TMEM201: variants seen among roughly 807,000 people sequenced by gnomAD.
TMEM201 encodes transmembrane protein 201.
In TMEM201, 26 loss-of-function variants were observed where a neutral mutation model predicts 63.4. That is an observed-to-expected ratio of 0.41 (90% CI 0.30 to 0.57). TMEM201 has a LOEUF of 0.57. Ranked by LOEUF, TMEM201 falls within the 20% of genes least tolerant of loss-of-function variation. TMEM201 has a pLI of 0.29. For missense variants in TMEM201, 794 were observed against 917.7 expected (o/e 0.87, Z 1.74); for synonymous variants, 417 against 421.6 (o/e 0.99, Z 0.14).
intron 1 of TMEM201, among the ~76,000 whole-genome samples, chr1:9,592,167 G>C (rs1643932523): frequency 1.3e-5 from 2 of 152,252 alleles, no homozygotes; most frequent in African/African-American, 4.8e-5. Context: ...TAAGTTCTGA[G>C]TTGCATTTTG....
Position 9,604,804 on chromosome 1 carries a change from T to C in TMEM201, c.1160+2532T>C. On this transcript the variant is annotated intron_variant, in intron 6 of 10. Transcript: ENST00000340381. The surrounding 1 kb of genome is among the most constrained non-coding windows in gnomAD (Gnocchi z 4.1). ...AAGGAACACATGACCCTTCTGTCTG[T>C]GACTGTTGCTGAGTCTCTGTCTCAT... 1.0e-6 allele frequency: 1 copy of C among 986,010 alleles called. No homozygotes were observed. Among genetic ancestry groups the C allele is most frequent in the Non-Finnish European group, 1.2e-6 (1 of 830,008 alleles). The allele number at this position is 986,010 out of a possible 1,614,324, so 61.1% of individuals were successfully genotyped here.
At chr1:9,602,300 G>T in intron 6 of TMEM201, 28 bp downstream of exon 6, 1 of 1,608,024 alleles carries the variant, frequency 6.2e-7, no homozygotes. Context: ...GACTGCGGGG[G>T]GAGGACACAC....
Position 9,607,557 on chromosome 1 carries a change from G to A in TMEM201, c.1161G>A (p.Arg387=). 12 of 1,546,994 alleles carry A rather than the reference G, an allele frequency of 7.8e-6. No homozygotes were observed. Among genetic ancestry groups the A allele is most frequent in the South Asian group, 1.2e-5 (1 of 83,356 alleles). ...ATGPRRFRPR[R]FFPGDSAGLF... is the part of the protein sequence containing the mutation. ...TCCCGTGCCTGACGGGCCCTTGCAG[G>A]TTCTTCCCAGGAGACTCTGCCGGCC... Residue 387 remains arginine, a splice_region_variant and synonymous_variant, in exon 7 of 11, where the codon AGG becomes AGA. Transcript: ENST00000340381. The surrounding 1 kb of genome is among the most constrained non-coding windows in gnomAD (Gnocchi z 5.4).
In TMEM201 at chr1:9,602,952, G is replaced by A. The variant is rs553496985; in HGVS notation, c.1160+680G>A. 3.0e-6 allele frequency: 3 copies of A among 985,558 alleles called. No individual in the cohort carries two copies. In the Admixed American group the frequency reaches 1.8e-4, roughly 61 times the overall value. The allele number at this position is 985,558 out of a possible 1,614,324, so 61.1% of individuals were successfully genotyped here. A position where few individuals can be genotyped will look rare whatever the true frequency, so the allele number is the denominator to read the frequency against. On this transcript the variant is annotated intron_variant, in intron 6 of 10. Transcript: ENST00000340381. ...CCTCCCGAGTCCCCGGAAATGGAGA[G>A]TGCAGTTCTTGGGCCCAGCCTGGCC...
rs1476117694 is a variant in TMEM201 at position 9,610,830 on chromosome 1, G to T, written c.1765+25G>T. 6.6e-7 allele frequency: 1 copy of T among 1,516,034 alleles called. No individual in the cohort carries two copies. Among genetic ancestry groups the T allele is most frequent in the East Asian group, 2.5e-5 (1 of 40,420 alleles). 93.9% of individuals were successfully genotyped at this position (1,516,034 alleles called of 1,614,324 possible). ...GGTACGGCCTTCTGACCACCCCAAG[G>T]GGCCGTGGGAGGGCCTCTGCTGCCA... On this transcript the variant is annotated intron_variant, in intron 9 of 10. Coordinates refer to ENST00000340381, the MANE Select transcript of TMEM201 (RefSeq NM_001130924.3). This position sits in a 1 kb window ranked among gnomAD's most constrained non-coding sequence, Gnocchi z 4.9.
chr1:9,613,285 T>A lies in TMEM201; in HGVS notation c.*202T>A, dbSNP rs1200648642. The A allele has an allele frequency of 6.1e-5, 36 of 594,206 alleles. No individual in the cohort carries two copies. The Admixed American group carries it at 9.1e-4, about 15-fold the overall frequency. 36.8% of individuals were successfully genotyped at this position (594,206 alleles called of 1,614,324 possible). A position where few individuals can be genotyped will look rare whatever the true frequency, so the allele number is the denominator to read the frequency against. On this transcript the variant is annotated 3_prime_UTR_variant, in exon 11 of 11. Coordinates refer to ENST00000340381, the MANE Select transcript of TMEM201 (RefSeq NM_001130924.3). Reference sequence around the variant, plus strand: ...GCTGAGCATGTGTCTGAGGTCACACTCTCTGCCCACTCACCTCCTTGGCTG... The same window carrying A: ...GCTGAGCATGTGTCTGAGGTCACACACTCTGCCCACTCACCTCCTTGGCTG...
At chr1:9,591,759 G>A (rs939244405) in intron 1 of TMEM201, among the ~76,000 whole-genome samples, 11 of 152,134 alleles carry the variant, frequency 7.2e-5, no homozygotes, top group African/African-American at 1.7e-4. Context: ...GGCCCTTCCC[G>A]TTTCCAGGCT....
Position 9,610,778 on chromosome 1 carries a change from C to T in TMEM201, c.1738C>T (p.Pro580Ser). 6.5e-7 allele frequency: 1 copy of T among 1,545,502 alleles called. No homozygotes were observed. Among genetic ancestry groups the T allele is most frequent in the East Asian group, 2.5e-5 (1 of 40,784 alleles). The part of the protein sequence containing the change: ...MEPPHVPRKP[P>S]LQDVKHALDL... Reference sequence around the variant, plus strand: ...GCCGCCCCATGTTCCCCGGAAGCCGCCCCTGCAGGACGTGAAGCACGCCCT... The same window carrying T: ...GCCGCCCCATGTTCCCCGGAAGCCGTCCCTGCAGGACGTGAAGCACGCCCT... Residue 580 changes from proline (P) to serine (S), a missense_variant, in exon 9 of 11, where the codon CCC becomes TCC. By Grantham distance (74) the Pro-to-Ser change is moderately conservative. Coordinates refer to ENST00000340381, the MANE Select transcript of TMEM201 (RefSeq NM_001130924.3). The surrounding 1 kb of genome is among the most constrained non-coding windows in gnomAD (Gnocchi z 4.9).
chr1:9,602,668 G>T, intron 6 of TMEM201: 1 of 1,128,588 alleles, frequency 8.9e-7, no homozygotes, highest in South Asian at 2.2e-5. Flanking sequence ...GTTGGGTGAG[G>T]GTCCTGGTCC....
Position 9,588,997 on chromosome 1 carries a change from A to T in TMEM201, c.67A>T (p.Thr23Ser), listed in dbSNP as rs1643874917. Residue 23 changes from threonine (T) to serine (S), a missense_variant, in exon 1 of 11, where the codon ACG (threonine) becomes TCG (serine). Transcript: ENST00000340381. ...TAGLAGGLGV[T>S]ACAAAGVLLY... Reference sequence around the variant, plus strand: ...CGGCCTGGCCGGCGGCCTGGGGGTCACGGCGTGCGCCGCGGCCGGCGTGTT... The same window carrying T: ...CGGCCTGGCCGGCGGCCTGGGGGTCTCGGCGTGCGCCGCGGCCGGCGTGTT... 5 of 1,195,234 alleles carry T rather than the reference A, an allele frequency of 4.2e-6. No homozygotes were observed. Among genetic ancestry groups the T allele is most frequent in the Non-Finnish European group, 5.2e-6 (5 of 956,416 alleles). The allele number at this position is 1,195,234 out of a possible 1,614,324, so 74.0% of individuals were successfully genotyped here.
intron 4 of TMEM201, among the ~76,000 whole-genome samples, chr1:9,599,947 CA>C (rs994351873): frequency 3.9e-5 from 6 of 152,152 alleles, no homozygotes; most frequent in Non-Finnish European, 2.9e-5. Flanking sequence ...ATAACTGTGG[CA>C]AAAGTTAACC....
At chr1:9,593,834 G>C (rs1374262169) in intron 1 of TMEM201, among the ~76,000 whole-genome samples, 1 of 152,086 alleles carries the variant, frequency 6.6e-6, no homozygotes, top group African/African-American at 2.4e-5. Context: ...GCTCAGGGGT[G>C]GGGGGTCACA....
In TMEM201 at chr1:9,607,152, A is replaced by G. The variant is rs554203804; in HGVS notation, c.1161-405A>G. The stretch of plus-strand genomic sequence containing the variant: ...GCCGCTCTGTGGGAAGGCTCGGCAC[A>G]GAACAAGAAGTGGCAAGGAGTCCAA... On this transcript the variant is annotated intron_variant, in intron 6 of 10. Transcript: ENST00000340381. The surrounding 1 kb of genome is among the most constrained non-coding windows in gnomAD (Gnocchi z 5.4). 6.6e-6 allele frequency among the ~76,000 whole-genome samples: 1 copy of G among 152,368 alleles called. No homozygotes were observed. Among genetic ancestry groups the G allele is most frequent in the East Asian group, 1.9e-4 (1 of 5,182 alleles).
At chr1:9,591,908 G>A (rs759956666) in intron 1 of TMEM201, among the ~76,000 whole-genome samples, 1 of 152,258 alleles carries the variant, frequency 6.6e-6, no homozygotes, top group Non-Finnish European at 1.5e-5. Flanking sequence ...GACCGCAGAT[G>A]CCCCGCTTAT....
chr1:9,594,104 T>G (rs1643969802), intron 1 of TMEM201, among the ~76,000 whole-genome samples: 1 of 152,218 alleles, frequency 6.6e-6, no homozygotes, highest in African/African-American at 2.4e-5. Context: ...ATCCTCACAG[T>G]GGCCTCTCCT....
intron 4 of TMEM201, among the ~76,000 whole-genome samples, chr1:9,600,375 C>G (rs555868551): frequency 6.6e-6 from 1 of 152,082 alleles, no homozygotes. Context: ...GTGTGGTTTC[C>G]ACAGCTGTAA....
chr1:9,596,747 TG>T, intron 2 of TMEM201, 111 bp from the exon 3 acceptor site: 2 of 1,042,004 alleles, frequency 1.9e-6, no homozygotes, highest in Non-Finnish European at 2.8e-6. Flanking sequence ...AGAATGGAGA[TG>T]TTTGAGATCT....
chr1:9,598,695 G>T, intron 4 of TMEM201, 70 bp downstream of exon 4: 1 of 1,499,284 alleles, frequency 6.7e-7, no homozygotes. Context: ...CCAGGAGGCT[G>T]GGCACTAGTG....
At chr1:9,609,935 G>T in intron 8 of TMEM201, 24 bp downstream of exon 8, 2 of 1,550,036 alleles carry the variant, frequency 1.3e-6, no homozygotes, top group South Asian at 2.4e-5. Flanking sequence ...AGAGCTAAGT[G>T]GGGGACGGGG....
Sources: gnomAD v4.1 joint callset for allele counts (sites outside exome capture counted in the v4.1 genomes callset) on GRCh38, gnomAD v4.1.1 for gene constraint, Gnocchi (gnomAD v3.1) non-coding constraint, MANE v1.5 for transcripts, NCBI Gene and HGNC (gene_info 2026-07-23, HGNC 2026-07-21) for gene names.